PDSS2: variants seen among roughly 807,000 people sequenced by gnomAD.
PDSS2 encodes all trans-polyprenyl-diphosphate synthase PDSS2.
In PDSS2, 31 loss-of-function variants were observed where a neutral mutation model predicts 44.5. The ratio of observed to expected loss-of-function variants is 0.70; its 90% CI spans 0.52 to 0.94. The LOEUF (loss-of-function observed/expected upper bound fraction) is 0.94. PDSS2 is among the 40% of genes least tolerant of loss of function. The pLI is 0.00. For synonymous variants in PDSS2, 157 were observed against 180.3 expected (o/e 0.87, Z 1.03); for missense variants, 452 against 482.2 (o/e 0.94, Z 0.59).
intron 1 of PDSS2, among the ~76,000 whole-genome samples, chr6:107,456,693 C>A (rs575116787): frequency 6.6e-6 from 1 of 152,128 alleles, no homozygotes; most frequent in Non-Finnish European, 1.5e-5. Flanking sequence ...AGATGTGCAT[C>A]CCCACGCCCA....
Position 107,273,041 on chromosome 6 carries a change from G to GTGGCATGA in PDSS2, c.630+980_630+987dup, listed in dbSNP as rs1396424750. ...CTTCAACCTACCAGGCTGGAGTGCA[G>GTGGCATGA]TGGCATGATCTTGGCTCACTGCAAC... is the stretch of plus-strand genomic sequence containing the variant. On this transcript the variant is annotated intron_variant, in intron 3 of 7. Transcript: ENST00000369037. Among the ~76,000 whole-genome samples, 234 of 152,278 alleles carry GTGGCATGA rather than the reference G, an allele frequency of 1.5e-3. 3 individuals are homozygous for GTGGCATGA. The highest frequency in any genetic ancestry group is 3.2e-4 in the Non-Finnish European group (22 of 68,012).
intron 4 of PDSS2, among the ~76,000 whole-genome samples, chr6:107,237,144 G>A (rs1042884034): frequency 2.0e-5 from 3 of 152,052 alleles, no homozygotes; most frequent in African/African-American, 7.2e-5. Context: ...TGTTGCGTAA[G>A]CTGGTCTCAA....
At chr6:107,318,132 G>A (rs1390272587) in intron 2 of PDSS2, among the ~76,000 whole-genome samples, 2 of 152,058 alleles carry the variant, frequency 1.3e-5, no homozygotes, top group Non-Finnish European at 2.9e-5. Context: ...TGGTAAAGAC[G>A]CTTTTTTAAA....
intron 2 of PDSS2, among the ~76,000 whole-genome samples, chr6:107,308,548 A>G (rs1776935753): frequency 6.6e-6 from 1 of 152,250 alleles, no homozygotes; most frequent in Non-Finnish European, 1.5e-5. Flanking sequence ...ATAGTACATA[A>G]GTGTAAACTG....
intron 6 of PDSS2, among the ~76,000 whole-genome samples, chr6:107,194,430 T>C (rs1050211899): frequency 1.3e-5 from 2 of 152,230 alleles, no homozygotes; most frequent in African/African-American, 4.8e-5. Context: ...ATAAAAACCA[T>C]TGACTTTTTG....
chr6:107,212,009 T>C lies in PDSS2; in HGVS notation c.876+100A>G, dbSNP rs371545721. ...ACAGATTTGAACCACACAATAAGCA[T>C]TTTTGAAATATAAAAGAAGCTTATT... On this transcript the variant is annotated intron_variant, in intron 5 of 7. Coordinates refer to ENST00000369037, the MANE Select transcript of PDSS2 (RefSeq NM_020381.4). 2,710 of 999,000 alleles carry C rather than the reference T, an allele frequency of 2.7e-3. 16 individuals carry two copies. Among genetic ancestry groups the C allele is most frequent in the South Asian group, 0.011 (817 of 77,430 alleles). The allele number at this position is 999,000 out of a possible 1,614,324, so 61.9% of individuals were successfully genotyped here.
At chr6:107,314,717 AG>A (rs1777149419) in intron 2 of PDSS2, among the ~76,000 whole-genome samples, 1 of 152,272 alleles carries the variant, frequency 6.6e-6, no homozygotes, top group Admixed American at 6.5e-5. Context: ...TTAGTACGCA[AG>A]GTTAAAACCA....
At chr6:107,443,851 C>T (rs1253817217) in intron 1 of PDSS2, among the ~76,000 whole-genome samples, 3 of 152,164 alleles carry the variant, frequency 2.0e-5, no homozygotes, top group Non-Finnish European at 4.4e-5. Context: ...GTTTCTACAG[C>T]ATATTGTTCA....
intron 2 of PDSS2, among the ~76,000 whole-genome samples, chr6:107,311,074 C>T (rs771717593): frequency 2.0e-5 from 3 of 151,912 alleles, no homozygotes; most frequent in African/African-American, 4.8e-5. Context: ...CACACCACCA[C>T]GCCCAGCTAA....
intron 2 of PDSS2, among the ~76,000 whole-genome samples, chr6:107,281,601 A>G (rs2114978153): frequency 6.6e-6 from 1 of 152,352 alleles, no homozygotes; most frequent in Middle Eastern, 3.4e-3. Context: ...ACTGTATGAA[A>G]GTACCATACA....
chr6:107,343,429 T>C (rs559205241), intron 1 of PDSS2, among the ~76,000 whole-genome samples: 34 of 152,352 alleles, frequency 2.2e-4, no homozygotes, highest in Non-Finnish European at 4.1e-4. Flanking sequence ...AAGGTGCAAC[T>C]GTAGTTTTTT....
chr6:107,172,260 T>C (rs979992231), intron 7 of PDSS2, among the ~76,000 whole-genome samples: 5 of 152,262 alleles, frequency 3.3e-5, no homozygotes, highest in Non-Finnish European at 5.9e-5. Context: ...TGTATGTCTC[T>C]GAAAACTATG....
At chr6:107,350,014 C>T (rs147627574) in intron 1 of PDSS2, among the ~76,000 whole-genome samples, 5 of 152,244 alleles carry the variant, frequency 3.3e-5, no homozygotes, top group Non-Finnish European at 5.9e-5. Flanking sequence ...TTTACAATTT[C>T]GAAAATTACA....
At position 107,438,413 on chromosome 6, in the gene PDSS2, G is replaced by A. The variant is rs192903601; in HGVS notation, c.296+20577C>T. Among the ~76,000 whole-genome samples, 95 of 152,040 alleles carry A rather than the reference G, an allele frequency of 6.2e-4. 2 individuals carry two copies. The East Asian group carries it at 0.014, about 22-fold the overall frequency. ...CTTTGTATTTTTAGTACAAAGTTTC[G>A]CATGTTGGCCAGGCTGGTCTCGAAC... On this transcript the variant is annotated intron_variant, in intron 1 of 7. Coordinates refer to ENST00000369037, the MANE Select transcript of PDSS2 (RefSeq NM_020381.4).
intron 6 of PDSS2, among the ~76,000 whole-genome samples, chr6:107,207,397 T>G (rs1223246416): frequency 6.6e-6 from 1 of 151,896 alleles, no homozygotes; most frequent in South Asian, 2.1e-4. Context: ...GGAGGGTAAA[T>G]AACATGAAAA....
intron 3 of PDSS2, among the ~76,000 whole-genome samples, chr6:107,272,905 C>T (rs1406347451): frequency 6.6e-6 from 1 of 152,050 alleles, no homozygotes; most frequent in African/African-American, 2.4e-5. Context: ...CTGCAGTAAG[C>T]TATGATTATG....
chr6:107,219,271 T>C (rs1773520011), intron 4 of PDSS2, among the ~76,000 whole-genome samples: 1 of 152,032 alleles, frequency 6.6e-6, no homozygotes, highest in Admixed American at 6.6e-5. Flanking sequence ...AAATACATAT[T>C]TTCACACTTG....
At position 107,447,315 on chromosome 6, in the gene PDSS2, G is replaced by A. The variant is rs559564709; in HGVS notation, c.296+11675C>T. ...GGCACCACTGCACTCCAGCCTGGGC[G>A]ACAGAGTGAGAATCCGTCAAAAAGC... On this transcript the variant is annotated intron_variant, in intron 1 of 7. Transcript: ENST00000369037. 1.3e-4 allele frequency among the ~76,000 whole-genome samples: 20 copies of A among 152,198 alleles called. 1 individual carries two copies. Among genetic ancestry groups the A allele is most frequent in the South Asian group, 1.0e-3 (5 of 4,820 alleles).
At chr6:107,195,766 G>T (rs998611090) in intron 6 of PDSS2, among the ~76,000 whole-genome samples, 2 of 152,062 alleles carry the variant, frequency 1.3e-5, no homozygotes, top group African/African-American at 4.8e-5. Flanking sequence ...CGCCATGTTG[G>T]CCAGGCTGGT....
Sources: allele counts gnomAD v4.1 joint callset (sites outside exome capture counted in the v4.1 genomes callset), GRCh38; gene constraint gnomAD v4.1.1; transcripts MANE v1.5; gene names NCBI Gene and HGNC (gene_info 2026-07-23, HGNC 2026-07-21).